Variants in DOK6 observed in about 807,000 individuals in gnomAD.
DOK6 encodes the protein docking protein 6, also known as downstream of tyrosine kinase 6.
Under a neutral mutation model 44.0 loss-of-function variants are expected in DOK6, and 22 were observed. The ratio of observed to expected loss-of-function variants is 0.50; its 90% CI spans 0.36 to 0.71. The LOEUF is 0.71. Ranked by LOEUF, DOK6 falls within the 30% of genes least tolerant of loss-of-function variation. The probability of loss-of-function intolerance (pLI) is 0.00; values close to 1 mark genes in which losing one functional copy is unlikely to be tolerated. For missense variants in DOK6, 340 were observed against 416.4 expected, an observed-to-expected ratio of 0.82 and a Z score of 1.60; for synonymous variants, 166 against 145.5, an observed-to-expected ratio of 1.14 and a Z score of -1.01.
At chr18:69,554,778 C>T (rs1360867401) in intron 1 of DOK6, among the ~76,000 whole-genome samples, 1 of 152,306 alleles carries the variant, frequency 6.6e-6, no homozygotes, top group African/African-American at 2.4e-5. Context: ...GCTCCATATC[C>T]TTACCAACAC....
intron 1 of DOK6, among the ~76,000 whole-genome samples, chr18:69,415,786 G>A (rs1368309600): frequency 1.3e-5 from 2 of 151,962 alleles, no homozygotes; most frequent in Non-Finnish European, 2.9e-5. Flanking sequence ...GGTCACAAAA[G>A]AGAGGTCAAA....
chr18:69,466,011 T>A (rs1244650827), intron 1 of DOK6, among the ~76,000 whole-genome samples: 1 of 152,198 alleles, frequency 6.6e-6, no homozygotes, highest in Non-Finnish European at 1.5e-5. Context: ...CCTGACATAC[T>A]TTTTTTGTTG....
At chr18:69,635,039 A>G (rs12457320) in intron 3 of DOK6, among the ~76,000 whole-genome samples, 116,830 of 152,096 alleles carry the variant, frequency 0.77, 47,974 homozygotes, top group Non-Finnish European at 0.93. Context: ...ATTTACTGCC[A>G]CATCTGCCAG....
At chr18:69,414,857 T>C (rs557597096) in intron 1 of DOK6, among the ~76,000 whole-genome samples, 1 of 152,178 alleles carries the variant, frequency 6.6e-6, no homozygotes, top group South Asian at 2.1e-4. Flanking sequence ...TAGCCTCATT[T>C]TACAAACACG....
intron 1 of DOK6, among the ~76,000 whole-genome samples, chr18:69,460,264 C>T (rs1322807810): frequency 6.6e-6 from 1 of 152,168 alleles, no homozygotes; most frequent in Non-Finnish European, 1.5e-5. Flanking sequence ...CAAACATCAT[C>T]AATCGTTGGG....
chr18:69,544,434 G>C (rs975382087), intron 1 of DOK6, among the ~76,000 whole-genome samples: 1 of 151,598 alleles, frequency 6.6e-6, no homozygotes, highest in African/African-American at 2.4e-5. Flanking sequence ...AAAAAGAGGA[G>C]TGAATGAAGA....
intron 4 of DOK6, among the ~76,000 whole-genome samples, chr18:69,685,171 T>C (rs1986124740): frequency 6.6e-6 from 1 of 152,176 alleles, no homozygotes; most frequent in Non-Finnish European, 1.5e-5. Context: ...TCTTTCTAAA[T>C]TCAATATATA....
chr18:69,500,026 C>G (rs1981003277), intron 1 of DOK6, among the ~76,000 whole-genome samples: 1 of 152,152 alleles, frequency 6.6e-6, no homozygotes, highest in African/African-American at 2.4e-5. Context: ...TAGTACCAAT[C>G]TGACTTCCTG....
rs3044887 is a variant in DOK6 at position 69,485,881 on chromosome 18, A to ATGTGTGTGTGTG, written c.67-78592_67-78581dup. Among the ~76,000 whole-genome samples, 397 of 147,198 alleles carry ATGTGTGTGTGTG rather than the reference A, an allele frequency of 2.7e-3. 3 individuals are homozygous for ATGTGTGTGTGTG. Among genetic ancestry groups the ATGTGTGTGTGTG allele is most frequent in the African/African-American group, 8.4e-3 (335 of 40,058 alleles). ...ATCCATATATATAGTATACGTATAT[A>ATGTGTGTGTGTG]TGTGTGTGTGTGTGTGTGTGTGTGT... On this transcript the variant is annotated intron_variant, in intron 1 of 7. Transcript: ENST00000382713.
chr18:69,835,185 G>A (rs1225452899), intron 7 of DOK6, among the ~76,000 whole-genome samples: 3 of 152,134 alleles, frequency 2.0e-5, no homozygotes, highest in Admixed American at 6.5e-5. Context: ...CTTCTGGGCC[G>A]GGCGCGGTGG....
intron 3 of DOK6, among the ~76,000 whole-genome samples, chr18:69,608,064 A>T (rs60857648): frequency 6.6e-6 from 1 of 152,046 alleles, no homozygotes; most frequent in Non-Finnish European, 1.5e-5. Flanking sequence ...AAATTGTTAG[A>T]GATATAAAAA....
Position 69,846,892 on chromosome 18 carries a change from T to C in DOK6, c.*5509T>C, listed in dbSNP as rs1189713106. ...ATGACTTTTTTACATTATAATACCT[T>C]ATATATTAGGTTTTTCCTGATAATC... On this transcript the variant is annotated 3_prime_UTR_variant, in exon 8 of 8. Transcript: ENST00000382713. 2.0e-5 allele frequency: 3 copies of C among 152,148 alleles called. No individual in the cohort carries two copies. Among genetic ancestry groups the C allele is most frequent in the African/African-American group, 7.2e-5 (3 of 41,436 alleles). The allele number at this position is 152,148 out of a possible 1,614,324, so 9.4% of individuals were successfully genotyped here.
At chr18:69,486,730 T>G (rs1012681817) in intron 1 of DOK6, among the ~76,000 whole-genome samples, 4 of 152,172 alleles carry the variant, frequency 2.6e-5, no homozygotes, top group Admixed American at 6.5e-5. Flanking sequence ...TCTGGGCTAG[T>G]TTTTTATTCA....
chr18:69,752,128 G>C (rs73970255), intron 6 of DOK6, among the ~76,000 whole-genome samples: 7 of 151,944 alleles, frequency 4.6e-5, no homozygotes, highest in Non-Finnish European at 1.0e-4. Flanking sequence ...TGAAAAATAT[G>C]AGTTATTTAC....
intron 1 of DOK6, among the ~76,000 whole-genome samples, chr18:69,463,029 G>C (rs1028304832): frequency 6.6e-6 from 1 of 152,180 alleles, no homozygotes; most frequent in East Asian, 1.9e-4. Flanking sequence ...TTGGATGGCT[G>C]TAACAAAATA....
chr18:69,687,480 G>A (rs59600254), intron 4 of DOK6, among the ~76,000 whole-genome samples: 20,079 of 152,084 alleles, frequency 0.13, 1,455 homozygotes, highest in South Asian at 0.23. Flanking sequence ...TCAGGAGTTC[G>A]AGACCAGCCT....
At position 69,844,137 on chromosome 18, in the gene DOK6, G is replaced by A. The variant is rs1982297184; in HGVS notation, c.*2754G>A. 1 of 152,030 alleles carries A rather than the reference G, an allele frequency of 6.6e-6. No individual in the cohort carries two copies. Among genetic ancestry groups the A allele is most frequent in the African/African-American group, 2.4e-5 (1 of 41,372 alleles). 9.4% of individuals were successfully genotyped at this position (152,030 alleles called of 1,614,324 possible). ...CTTGGGCTCGTAGGTTTTTGACTGGGGATGCCTCTACACTTTGTAAGTCAT... is the reference window on the plus strand; with the variant it reads ...CTTGGGCTCGTAGGTTTTTGACTGGAGATGCCTCTACACTTTGTAAGTCAT... On this transcript the variant is annotated 3_prime_UTR_variant, in exon 8 of 8. Transcript: ENST00000382713.
intron 2 of DOK6, among the ~76,000 whole-genome samples, chr18:69,580,513 T>G (rs1299392452): frequency 1.3e-5 from 2 of 152,190 alleles, no homozygotes; most frequent in Non-Finnish European, 2.9e-5. Context: ...TCTTTCATTT[T>G]CCTTTTTCTG....
chr18:69,569,066 C>T (rs1431286300), intron 2 of DOK6, among the ~76,000 whole-genome samples: 1 of 152,038 alleles, frequency 6.6e-6, no homozygotes, highest in East Asian at 1.9e-4. Context: ...ACCCCCTGGT[C>T]CATGGAAAAA....
Sources: allele counts gnomAD v4.1 joint callset (sites outside exome capture counted in the v4.1 genomes callset), GRCh38; gene constraint gnomAD v4.1.1; transcripts MANE v1.5; gene names NCBI Gene and HGNC (gene_info 2026-07-23, HGNC 2026-07-21).